GRIK2: variants seen among roughly 807,000 people sequenced by gnomAD.
GRIK2 encodes the protein glutamate ionotropic receptor kainate type subunit 2.
GRIK2 carries 32 observed loss-of-function variants against 100.3 expected under a neutral mutation model. That is an observed-to-expected ratio of 0.32 (90% CI 0.24 to 0.43). GRIK2 has a LOEUF of 0.43. Among genes scored for constraint, GRIK2 ranks in the 20% least tolerant of loss-of-function variants. GRIK2 has a pLI of 1.00. For synonymous variants in GRIK2, 417 were observed against 389.4 expected (o/e 1.07, Z -0.83); for missense variants, 843 against 1,114.9 (o/e 0.76, Z 3.47).
chr6:101,792,582 T>G (rs1779957429), intron 7 of GRIK2, among the ~76,000 whole-genome samples: 1 of 152,176 alleles, frequency 6.6e-6, no homozygotes, highest in African/African-American at 2.4e-5. Context: ...GATCCGCTGT[T>G]AGTCTGATGG....
chr6:101,557,029 A>AC (rs1174761834), intron 2 of GRIK2, among the ~76,000 whole-genome samples: 10 of 151,742 alleles, frequency 6.6e-5, no homozygotes, highest in African/African-American at 1.5e-4. Context: ...TTAAAAAAAA[A>AC]CTCTCTTTTA....
intron 2 of GRIK2, among the ~76,000 whole-genome samples, chr6:101,470,513 G>A (rs552736438): frequency 1.1e-4 from 16 of 152,242 alleles, no homozygotes; most frequent in Non-Finnish European, 1.9e-4. Context: ...TCTTCTGAGC[G>A]AATCCTTCAA....
chr6:101,571,146 G>C (rs1777505671), intron 2 of GRIK2, among the ~76,000 whole-genome samples: 1 of 152,026 alleles, frequency 6.6e-6, no homozygotes, highest in African/African-American at 2.4e-5. Context: ...AAAATAAACA[G>C]TTTGCAAAAA....
chr6:101,893,377 G>A (rs796414185), intron 12 of GRIK2, among the ~76,000 whole-genome samples: 73 of 151,612 alleles, frequency 4.8e-4, no homozygotes, highest in African/African-American at 1.3e-3. Flanking sequence ...AACAGATTTC[G>A]TATTTATTAA....
At chr6:101,580,935 G>C (rs1778051042) in intron 2 of GRIK2, among the ~76,000 whole-genome samples, 1 of 151,846 alleles carries the variant, frequency 6.6e-6, no homozygotes, top group Admixed American at 6.6e-5. Flanking sequence ...CCAACTCCTA[G>C]CACTCCTAAT....
intron 2 of GRIK2, among the ~76,000 whole-genome samples, chr6:101,588,908 C>T (rs1449776132): frequency 6.6e-6 from 1 of 151,842 alleles, no homozygotes; most frequent in Non-Finnish European, 1.5e-5. Context: ...GGCAAGAATA[C>T]CAGTGAGCCC....
chr6:101,708,405 GGAT>G (rs1229101859), intron 7 of GRIK2, among the ~76,000 whole-genome samples: 7 of 151,518 alleles, frequency 4.6e-5, no homozygotes, highest in African/African-American at 1.2e-4. Flanking sequence ...ATATAAAGTT[GGAT>G]GATGATAATA....
chr6:101,729,008 T>G (rs1172959332), intron 7 of GRIK2, among the ~76,000 whole-genome samples: 2 of 151,948 alleles, frequency 1.3e-5, no homozygotes, highest in East Asian at 3.9e-4. Flanking sequence ...CTAAATATAT[T>G]AAGAAGCCTT....
chr6:101,655,410 C>T (rs1392591723), intron 4 of GRIK2, among the ~76,000 whole-genome samples: 1 of 152,144 alleles, frequency 6.6e-6, no homozygotes, highest in Non-Finnish European at 1.5e-5. Context: ...TTCAATTAAT[C>T]TTACCACCTA....
chr6:101,652,094 A>G (rs896993942), intron 4 of GRIK2, among the ~76,000 whole-genome samples: 1 of 152,146 alleles, frequency 6.6e-6, no homozygotes, highest in African/African-American at 2.4e-5. Context: ...TGCCAAGAAA[A>G]GTTTCCGTGG....
rs572118951 is a variant in GRIK2 at position 101,956,693 on chromosome 6, T to C, written c.2085+28061T>C. Among the ~76,000 whole-genome samples the C allele has an allele frequency of 7.9e-5, 12 of 151,768 alleles. No homozygotes were observed. The South Asian group carries it at 2.3e-3, about 29-fold the overall frequency. On this transcript the variant is annotated intron_variant, in intron 14 of 16. Transcript: ENST00000369134. ...ATACTGATCTCCTGCTTTATCTATG[T>C]TGTTGCAAAAGACATGATTTCATTC...
rs574800789 is a variant in GRIK2 at position 101,455,465 on chromosome 6, G to A, written c.115+56073G>A. Among the ~76,000 whole-genome samples the A allele has an allele frequency of 1.2e-4, 19 of 152,044 alleles. No individual in the cohort carries two copies. The South Asian group carries it at 3.9e-3, about 32-fold the overall frequency. On this transcript the variant is annotated intron_variant, in intron 2 of 16. Transcript: ENST00000369134. ...TATTTTCTAGTTTCCTCAATTCTTT[G>A]CTGAATTGTTCCTATCACCCTGCTT...
At chr6:101,397,549 A>G (rs1279039103) in intron 1 of GRIK2, among the ~76,000 whole-genome samples, 1 of 152,238 alleles carries the variant, frequency 6.6e-6, no homozygotes, top group Admixed American at 6.5e-5. Context: ...TCTTAAAAAA[A>G]ATCAATGCCA....
intron 11 of GRIK2, among the ~76,000 whole-genome samples, chr6:101,873,177 C>T (rs973528366): frequency 2.6e-5 from 4 of 151,854 alleles, no homozygotes; most frequent in East Asian, 1.9e-4. Context: ...ACATGTGCCA[C>T]GTTGGTGTGC....
rs79726821 is a variant in GRIK2 at position 101,686,632 on chromosome 6, A to G, written c.951+279A>G. On this transcript the variant is annotated intron_variant, in intron 7 of 16. Coordinates refer to ENST00000369134, the MANE Select transcript of GRIK2 (RefSeq NM_021956.5). ...TCTGTAAAGTTAATTAGTGCCCTAC[A>G]TGGGAGAAATGAGAGACTGAAAGAA... is the stretch of plus-strand genomic sequence containing the variant. 1.3e-4 allele frequency among the ~76,000 whole-genome samples: 20 copies of G among 152,238 alleles called. 1 individual carries two copies. In the East Asian group the frequency reaches 3.5e-3, roughly 26 times the overall value.
rs760956960 is a variant in GRIK2, at chr6:102,055,591, C to G, written c.2562+11C>G. The stretch of plus-strand genomic sequence containing the variant: ...GCTCAATTGGAAAAGGTAAATGTTA[C>G]TTGTTTCAGTTTAAATTTAAAACAA... On this transcript the variant is annotated intron_variant, in intron 16 of 16. Transcript: ENST00000369134. The G allele has an allele frequency of 3.6e-5, 57 of 1,580,958 alleles. No homozygotes were observed. Among genetic ancestry groups the G allele is most frequent in the Admixed American group, 1.0e-4 (6 of 57,984 alleles).
At chr6:102,064,547 T>A (rs1370726048) in intron 16 of GRIK2, among the ~76,000 whole-genome samples, 2 of 150,802 alleles carry the variant, frequency 1.3e-5, no homozygotes, top group African/African-American at 2.4e-5. Flanking sequence ...GCACTTGGGT[T>A]TTGAGACTTA....
rs764148146 is a variant in GRIK2 at position 101,835,464 on chromosome 6, CTTTTTT to C, written c.1317+17000_1317+17005del. On this transcript the variant is annotated intron_variant, in intron 10 of 16. Transcript: ENST00000369134. ...AGAGGTACAGATTACCTATGAGTTCCTTTTTTTTTTTTTTTTTTTTTTTTGAGACAA... is the reference window on the plus strand; with the variant it reads ...AGAGGTACAGATTACCTATGAGTTCCTTTTTTTTTTTTTTTTTTGAGACAA... 2.4e-3 allele frequency among the ~76,000 whole-genome samples: 210 copies of C among 89,052 alleles called. 2 individuals carry two copies. Among genetic ancestry groups the C allele is most frequent in the African/African-American group, 9.6e-3 (195 of 20,326 alleles). 58.4% of individuals were successfully genotyped at this position (89,052 alleles called of 152,430 possible).
chr6:101,525,518 C>T (rs1284065330), intron 2 of GRIK2, among the ~76,000 whole-genome samples: 6 of 152,154 alleles, frequency 3.9e-5, no homozygotes, highest in Non-Finnish European at 5.9e-5. Flanking sequence ...GGGGAAAACA[C>T]ATCCAGTGCA....
Sources: allele counts gnomAD v4.1 joint callset (sites outside exome capture counted in the v4.1 genomes callset), GRCh38; gene constraint gnomAD v4.1.1; transcripts MANE v1.5; gene names NCBI Gene and HGNC (gene_info 2026-07-23, HGNC 2026-07-21).